PLPPR1: variants seen among roughly 807,000 people sequenced by gnomAD.
The protein encoded by PLPPR1 is phospholipid phosphatase-related protein type 1.
PLPPR1 carries 10 observed loss-of-function variants against 33.1 expected under a neutral mutation model. The ratio of observed to expected loss-of-function variants is 0.30; its 90% CI spans 0.19 to 0.51. The LOEUF (loss-of-function observed/expected upper bound fraction) is 0.51, where lower values mean the gene tolerates loss of function less well. Ranked by LOEUF, PLPPR1 falls within the 20% of genes least tolerant of loss-of-function variation. The pLI is 0.97. For synonymous variants in PLPPR1, 151 were observed against 151.0 expected, an observed-to-expected ratio of 1.00 and a Z score of 0.00; for missense variants, 304 against 408.1, an observed-to-expected ratio of 0.74 and a Z score of 2.20.
At chr9:101,188,973 T>A (rs1209987852) in intron 2 of PLPPR1, among the ~76,000 whole-genome samples, 1 of 152,124 alleles carries the variant, frequency 6.6e-6, no homozygotes, top group East Asian at 1.9e-4. Context: ...CTACTGTAAT[T>A]TGCTCATGAA....
chr9:101,287,122 C>T (rs1320777880), intron 4 of PLPPR1, among the ~76,000 whole-genome samples: 1 of 152,146 alleles, frequency 6.6e-6, no homozygotes, highest in African/African-American at 2.4e-5. Flanking sequence ...TATGCAATAA[C>T]TTGTCTGGTT....
At chr9:101,290,815 C>T (rs565353666) in intron 4 of PLPPR1, among the ~76,000 whole-genome samples, 2 of 152,246 alleles carry the variant, frequency 1.3e-5, no homozygotes, top group Admixed American at 6.5e-5. Flanking sequence ...CCAAGATGGC[C>T]GAATAGGAAC....
intron 1 of PLPPR1, among the ~76,000 whole-genome samples, chr9:101,079,104 A>G (rs1830584453): frequency 6.6e-6 from 1 of 152,212 alleles, no homozygotes; most frequent in Non-Finnish European, 1.5e-5. Context: ...CCCTAGAAGC[A>G]TCTACTTTCC....
intron 1 of PLPPR1, among the ~76,000 whole-genome samples, chr9:101,049,556 A>G (rs1277132760): frequency 6.6e-6 from 1 of 152,170 alleles, no homozygotes; most frequent in African/African-American, 2.4e-5. Flanking sequence ...TTCTCACAGT[A>G]TCAATATACA....
At chr9:101,051,305 A>C (rs1055715508) in intron 1 of PLPPR1, among the ~76,000 whole-genome samples, 10 of 149,668 alleles carry the variant, frequency 6.7e-5, no homozygotes, top group African/African-American at 2.2e-4. Context: ...CACTACCACT[A>C]TCTCTCTCTC....
At chr9:101,125,794 C>G (rs1490622227) in intron 1 of PLPPR1, 1 of 854,760 alleles carries the variant, frequency 1.2e-6, no homozygotes, top group Non-Finnish European at 1.8e-6. Context: ...TAGCCCAGAA[C>G]ATTGTCTTAA....
intron 1 of PLPPR1, among the ~76,000 whole-genome samples, chr9:101,047,201 C>G (rs568633361): frequency 6.6e-6 from 1 of 152,196 alleles, no homozygotes; most frequent in African/African-American, 2.4e-5. Flanking sequence ...TTCCCCTCCT[C>G]TCATATACAT....
At chr9:101,195,954 T>C (rs184178876) in intron 2 of PLPPR1, among the ~76,000 whole-genome samples, 1 of 152,362 alleles carries the variant, frequency 6.6e-6, no homozygotes, top group East Asian at 1.9e-4. Flanking sequence ...TGGCAGACTC[T>C]GAAGTGAACA....
chr9:101,087,972 G>A (rs902997247), intron 1 of PLPPR1, among the ~76,000 whole-genome samples: 1 of 152,156 alleles, frequency 6.6e-6, no homozygotes, highest in East Asian at 1.9e-4. Context: ...CCAGCACTAA[G>A]CAGAGAGACT....
chr9:101,235,130 T>C (rs1031015508), intron 2 of PLPPR1, among the ~76,000 whole-genome samples: 1 of 151,872 alleles, frequency 6.6e-6, no homozygotes, highest in African/African-American at 2.4e-5. Flanking sequence ...CCACGAAAAA[T>C]TGTGGGTCTT....
At chr9:101,138,912 A>T (rs935534549) in intron 1 of PLPPR1, among the ~76,000 whole-genome samples, 3 of 152,166 alleles carry the variant, frequency 2.0e-5, no homozygotes, top group Non-Finnish European at 4.4e-5. Context: ...ACTCTTCATG[A>T]AATGTGACCA....
chr9:101,210,934 A>AT (rs1467154418), intron 2 of PLPPR1, among the ~76,000 whole-genome samples: 2 of 151,912 alleles, frequency 1.3e-5, no homozygotes, highest in African/African-American at 4.8e-5. Context: ...CGCCTGGCTA[A>AT]TTTTTTGTAT....
intron 4 of PLPPR1, among the ~76,000 whole-genome samples, chr9:101,304,333 TAA>T (rs1178384788): frequency 1.3e-5 from 2 of 152,230 alleles, no homozygotes; most frequent in East Asian, 3.8e-4. Context: ...TGTTAATCTC[TAA>T]AGTTTCTTCA....
chr9:101,109,160 G>C (rs1263582237), intron 1 of PLPPR1, among the ~76,000 whole-genome samples: 1 of 93,626 alleles, frequency 1.1e-5, no homozygotes, highest in East Asian at 3.3e-4. Flanking sequence ...TTTTTTTTTA[G>C]TAGAGTTGGG....
At chr9:101,281,890 T>C (rs1332827834) in intron 3 of PLPPR1, among the ~76,000 whole-genome samples, 1 of 151,998 alleles carries the variant, frequency 6.6e-6, no homozygotes, top group African/African-American at 2.4e-5. Flanking sequence ...CATGAAGAAA[T>C]AGAAATTCCA....
intron 7 of PLPPR1, among the ~76,000 whole-genome samples, chr9:101,323,292 C>T (rs10819918): frequency 0.044 from 6,747 of 151,852 alleles, 188 homozygotes; most frequent in South Asian, 0.12. Flanking sequence ...CCCAGGAGTT[C>T]GAGACCAGCC....
At chr9:101,172,233 A>C (rs1402209976) in intron 1 of PLPPR1, among the ~76,000 whole-genome samples, 1 of 151,948 alleles carries the variant, frequency 6.6e-6, no homozygotes, top group Admixed American at 6.6e-5. Context: ...AGGCCCCAAC[A>C]CCAGGGAAAA....
chr9:101,051,284 A>G (rs913102407), intron 1 of PLPPR1, among the ~76,000 whole-genome samples: 8 of 151,786 alleles, frequency 5.3e-5, no homozygotes, highest in African/African-American at 1.9e-4. Context: ...TTCTACTACT[A>G]CTACTACTAC....
chr9:101,189,940 T>A (rs1368108813), intron 2 of PLPPR1, among the ~76,000 whole-genome samples: 3 of 152,180 alleles, frequency 2.0e-5, no homozygotes, highest in Non-Finnish European at 2.9e-5. Flanking sequence ...TAGCTCATGG[T>A]GGACTGTTTC....
Sources: allele counts gnomAD v4.1 joint callset (sites outside exome capture counted in the v4.1 genomes callset), GRCh38; gene constraint gnomAD v4.1.1; transcripts MANE v1.5; gene names NCBI Gene and HGNC (gene_info 2026-07-23, HGNC 2026-07-21).